DNAH5: variants seen among roughly 807,000 people sequenced by gnomAD.
DNAH5 encodes the protein axonemal beta dynein heavy chain 5.
DNAH5 carries 372 observed loss-of-function variants against 518.2 expected under a neutral mutation model. That is an observed-to-expected ratio of 0.72 (90% CI 0.66 to 0.78). The LOEUF is 0.78. DNAH5 is among the 30% of genes least tolerant of loss of function. The pLI is 0.00. For synonymous variants in DNAH5, 2,039 were observed against 2,025.9 expected, an observed-to-expected ratio of 1.01 and a Z score of -0.17; for missense variants, 5,523 against 5,687.0, an observed-to-expected ratio of 0.97 and a Z score of 0.93.
Position 13,817,535 on chromosome 5 carries a change from A to G in DNAH5, c.6988+13T>C, listed in dbSNP as rs770478766. ...AGTATAATCAAAAATAATCCTTGTA[A>G]TTTATCTTCTACCTTTCTTTGCTCT... On this transcript the variant is annotated intron_variant, in intron 42 of 78. Transcript: ENST00000265104. The G allele has an allele frequency of 3.7e-6, 6 of 1,613,204 alleles. No homozygotes were observed. The African/African-American group carries it at 8.0e-5, about 22-fold the overall frequency.
At chr5:13,831,578 T>C (rs771973555) in intron 35 of DNAH5, among the ~76,000 whole-genome samples, 1 of 152,172 alleles carries the variant, frequency 6.6e-6, no homozygotes, top group African/African-American at 2.4e-5. Context: ...AAATGAACAC[T>C]GAGTGCACCA....
chr5:13,795,154 A>G (rs1245703219), intron 47 of DNAH5, among the ~76,000 whole-genome samples: 1 of 152,186 alleles, frequency 6.6e-6, no homozygotes, highest in Non-Finnish European at 1.5e-5. Context: ...GAAAAGCAAG[A>G]GCAAACAAAT....
intron 40 of DNAH5, among the ~76,000 whole-genome samples, chr5:13,822,063 T>A (rs988154627): frequency 2.0e-5 from 3 of 152,194 alleles, no homozygotes; most frequent in African/African-American, 7.2e-5. Context: ...ACTATTGGCA[T>A]GAGTCACCAC....
rs1247275415 is a variant in DNAH5 at position 13,919,230 on chromosome 5, C to A, written c.921G>T (p.Pro307=). The A allele has an allele frequency of 1.2e-6, 2 of 1,613,958 alleles. No homozygotes were observed. Among genetic ancestry groups the A allele is most frequent in the Admixed American group, 1.7e-5 (1 of 59,990 alleles). Residue 307 remains proline (P), a synonymous_variant, in exon 7 of 79, where the codon CCG becomes CCT. Coordinates refer to ENST00000265104, the MANE Select transcript of DNAH5 (RefSeq NM_001369.3). ...FNYLLEQLKS[P]DVKAVLAVLA... ...GCACTGCCAGCACAGCCTTCACATC[C>A]GGGCTTTTCAATTGTTCCAAAAGGT... is the stretch of plus-strand genomic sequence containing the variant.
At position 13,824,382 on chromosome 5, in the gene DNAH5, G is replaced by A. The variant is rs772507646; in HGVS notation, c.6445-49C>T. ...GCTTATTTTCAACATTAAAATACTT[G>A]CAGAAGCCATATGAATCTGACAGAA... On this transcript the variant is annotated intron_variant, in intron 38 of 78. Coordinates refer to ENST00000265104, the MANE Select transcript of DNAH5 (RefSeq NM_001369.3). The A allele has an allele frequency of 5.7e-6, 9 of 1,570,394 alleles. No individual in the cohort carries two copies. The East Asian group carries it at 1.8e-4, about 31-fold the overall frequency.
At chr5:13,858,216 C>T (rs1329722273) in intron 30 of DNAH5, among the ~76,000 whole-genome samples, 5 of 152,178 alleles carry the variant, frequency 3.3e-5, no homozygotes, top group East Asian at 1.9e-4. Context: ...AGCACATATA[C>T]ACCATGGAAT....
intron 43 of DNAH5, 151 bp downstream of exon 43, chr5:13,814,454 G>A: frequency 1.3e-6 from 1 of 769,914 alleles, no homozygotes; most frequent in Non-Finnish European, 2.2e-6. Context: ...ATCAGGGTTT[G>A]AATGTCCCAG....
At chr5:13,920,674 T>C (rs1777156154) in intron 5 of DNAH5, 57 bp from the exon 6 acceptor site, 3 of 1,597,828 alleles carry the variant, frequency 1.9e-6, no homozygotes, top group Non-Finnish European at 2.6e-6. Flanking sequence ...ACACAGACTG[T>C]GGGCCCTGTG....
In DNAH5 at chr5:13,820,395, A is replaced by G. The variant is rs1762060023; in HGVS notation, c.6792T>C (p.Ser2264=). 1.9e-6 allele frequency: 3 copies of G among 1,613,506 alleles called. No homozygotes were observed. The highest frequency in any genetic ancestry group is 2.5e-6 in the Non-Finnish European group (3 of 1,179,996). Residue 2264 remains serine (S), a synonymous_variant, in exon 41 of 79, where the codon AGT becomes AGC. Coordinates refer to ENST00000265104, the MANE Select transcript of DNAH5 (RefSeq NM_001369.3). ...GGATGCAGGTGGTCTTCCCAGCCCCACTGGGCCCCAGAGTCATCATCCCAT... is the reference window on the plus strand; with the variant it reads ...GGATGCAGGTGGTCTTCCCAGCCCCGCTGGGCCCCAGAGTCATCATCCCAT... ...VRHGMMTLGP[S]GAGKTTCIHT...
intron 58 of DNAH5, 134 bp from the exon 59 acceptor site, chr5:13,766,313 G>C: frequency 1.2e-6 from 1 of 865,826 alleles, no homozygotes; most frequent in South Asian, 1.4e-5. Context: ...ACAGGGTCTA[G>C]ATGCATATTT....
At chr5:14,000,435 G>A (rs926893254) in intron 1 of DNAH5, among the ~76,000 whole-genome samples, 12 of 152,214 alleles carry the variant, frequency 7.9e-5, no homozygotes, top group African/African-American at 2.9e-4. Flanking sequence ...CACCCAGTTT[G>A]TGATAATTTA....
intron 78 of DNAH5, among the ~76,000 whole-genome samples, chr5:13,697,294 G>A (rs553141326): frequency 3.9e-5 from 6 of 152,312 alleles, no homozygotes; most frequent in Admixed American, 3.3e-4. Flanking sequence ...GCCATAGGCA[G>A]TATGCTTGCC....
At chr5:13,776,297 A>C in intron 55 of DNAH5, 142 bp downstream of exon 55, 1 of 1,115,152 alleles carries the variant, frequency 9.0e-7, no homozygotes. Context: ...AATGCTGTCC[A>C]TGAGATTAAA....
intron 50 of DNAH5, among the ~76,000 whole-genome samples, chr5:13,791,136 T>TATATTGCA (rs1756924702): frequency 6.6e-6 from 1 of 152,196 alleles, no homozygotes. Context: ...TTTGGTTACC[T>TATATTGCA]ATATTGCAAG....
intron 1 of DNAH5, among the ~76,000 whole-genome samples, chr5:14,007,385 C>A (rs945417868): frequency 6.6e-6 from 1 of 152,154 alleles, no homozygotes; most frequent in African/African-American, 2.4e-5. Context: ...AGAAAAGTCA[C>A]ACCCACTCCC....
chr5:13,704,358 G>C (rs549601710), intron 76 of DNAH5, among the ~76,000 whole-genome samples: 1 of 152,352 alleles, frequency 6.6e-6, no homozygotes, highest in South Asian at 2.1e-4. Context: ...TCACAGGGAA[G>C]TCTCTGTAGA....
intron 68 of DNAH5, among the ~76,000 whole-genome samples, chr5:13,733,708 T>TATAC (rs1554025993): frequency 1.3e-5 from 2 of 152,064 alleles, no homozygotes; most frequent in African/African-American, 4.8e-5. Flanking sequence ...GATATATATA[T>TATAC]ACACACACAC....
chr5:13,788,158 G>C (rs533145026), intron 51 of DNAH5, among the ~76,000 whole-genome samples: 2 of 152,024 alleles, frequency 1.3e-5, no homozygotes, highest in Non-Finnish European at 2.9e-5. Flanking sequence ...TACATTTAAT[G>C]ACCCTCTCAT....
intron 27 of DNAH5, among the ~76,000 whole-genome samples, chr5:13,865,073 C>A (rs531406838): frequency 4.6e-4 from 68 of 148,890 alleles, no homozygotes; most frequent in Non-Finnish European, 6.9e-4. Flanking sequence ...CCGCCCACTG[C>A]AACCTCCACC....
Sources: allele counts gnomAD v4.1 joint callset (sites outside exome capture counted in the v4.1 genomes callset), GRCh38; gene constraint gnomAD v4.1.1; transcripts MANE v1.5; gene names NCBI Gene and HGNC (gene_info 2026-07-23, HGNC 2026-07-21).